TRAK1: variants seen among roughly 807,000 people sequenced by gnomAD.
The protein encoded by TRAK1 is trafficking kinesin-binding protein 1.
In TRAK1, 33 loss-of-function variants were observed where a neutral mutation model predicts 92.1. The ratio of observed to expected loss-of-function variants is 0.36; its 90% confidence interval spans 0.27 to 0.48. The LOEUF is 0.48. Among genes scored for constraint, TRAK1 ranks in the 20% least tolerant of loss-of-function variants. TRAK1 has a pLI of 0.99. For synonymous variants in TRAK1, 521 were observed against 517.3 expected, an observed-to-expected ratio of 1.01 and a Z score of -0.10; for missense variants, 1,123 against 1,257.9, an observed-to-expected ratio of 0.89 and a Z score of 1.62.
chr3:42,134,578 CTTTTTTTTTTTTT>C (rs547455969), intron 2 of TRAK1, among the ~76,000 whole-genome samples: 1 of 76,434 alleles, frequency 1.3e-5, no homozygotes. Context: ...TGCCTGGTCT[CTTTTTTTTTTTTT>C]TTTTTTTTTT....
At position 42,193,112 on chromosome 3, in the gene TRAK1, A is replaced by G. The variant is rs753003576; in HGVS notation, c.807A>G (p.Glu269=). The G allele has an allele frequency of 1.6e-5, 26 of 1,614,080 alleles. 1 individual carries two copies. The Admixed American group carries it at 4.3e-4, about 27-fold the overall frequency. Reference sequence around the variant, plus strand: ...TCCAGATTGCTAGTATCTCAGAGGAACTGGCCAAGAAGACGGAAGATGCTG... The same window carrying G: ...TCCAGATTGCTAGTATCTCAGAGGAGCTGGCCAAGAAGACGGAAGATGCTG... ...ANVQIASISE[E]LAKKTEDAAR... is the part of the protein sequence containing the mutation. Residue 269 remains glutamate, a synonymous_variant, in exon 8 of 16, where the codon GAA becomes GAG. Coordinates refer to ENST00000327628, the MANE Select transcript of TRAK1 (RefSeq NM_001042646.3).
intron 14 of TRAK1, chr3:42,212,454 C>T (rs1709169000): frequency 1.0e-6 from 1 of 985,322 alleles, no homozygotes. Flanking sequence ...CCTGCTGTCC[C>T]ATGGAGAAAA....
chr3:42,073,307 G>C (rs554268435), intron 1 of TRAK1, among the ~76,000 whole-genome samples: 1 of 152,104 alleles, frequency 6.6e-6, no homozygotes, highest in Non-Finnish European at 1.5e-5. Context: ...TGCTGCTGTC[G>C]GCTCGTCTAA....
chr3:42,110,094 G>GTATGTA (rs1553719379), intron 1 of TRAK1, among the ~76,000 whole-genome samples: 2 of 83,238 alleles, frequency 2.4e-5, no homozygotes, highest in Admixed American at 1.2e-4. Context: ...AGAACTTAAA[G>GTATGTA]TATATATATA....
intron 1 of TRAK1, among the ~76,000 whole-genome samples, chr3:42,110,094 G>GTGTATATATATA (rs1417746436): frequency 2.8e-4 from 23 of 83,230 alleles, no homozygotes; most frequent in Non-Finnish European, 4.4e-4. Context: ...AGAACTTAAA[G>GTGTATATATATA]TATATATATA....
intron 2 of TRAK1, among the ~76,000 whole-genome samples, chr3:42,136,992 T>C (rs1035783393): frequency 3.3e-5 from 5 of 152,224 alleles, no homozygotes; most frequent in Non-Finnish European, 7.3e-5. Context: ...ATAATATTTC[T>C]ATCACAAAAG....
At chr3:42,115,771 C>T (rs564966454) in intron 1 of TRAK1, among the ~76,000 whole-genome samples, 105 of 152,286 alleles carry the variant, frequency 6.9e-4, no homozygotes, top group African/African-American at 2.4e-3. Context: ...GTGAGCTGTC[C>T]CTCAGTGGGG....
upstream of TRAK1, among the ~76,000 whole-genome samples, chr3:42,088,799 G>C (rs1214107593): frequency 6.6e-6 from 1 of 152,192 alleles, no homozygotes; most frequent in East Asian, 1.9e-4. Context: ...CACTCTCCCT[G>C]TTCTTCTGCC....
At chr3:42,043,266 C>T (rs931059321) in intron 1 of TRAK1, among the ~76,000 whole-genome samples, 3 of 151,908 alleles carry the variant, frequency 2.0e-5, no homozygotes, top group Non-Finnish European at 4.4e-5. Context: ...TGCCCGTTCC[C>T]GTTCTTTCTT....
At position 42,175,702 on chromosome 3, in the gene TRAK1, G is replaced by A. The variant is rs1343989940; in HGVS notation, c.287-1112G>A. Among the ~76,000 whole-genome samples, 6 of 152,290 alleles carry A rather than the reference G, an allele frequency of 3.9e-5. No individual in the cohort carries two copies. In the East Asian group the frequency reaches 9.7e-4, roughly 24 times the overall value. On this transcript the variant is annotated intron_variant, in intron 2 of 15. Coordinates refer to ENST00000327628, the MANE Select transcript of TRAK1 (RefSeq NM_001042646.3). ...TTAATAAAATATTCAGAGACCTATT[G>A]AATTCCAGTTGCTGTTTGCCATTTG...
chr3:42,026,864 C>T (rs903455329), intron 1 of TRAK1, among the ~76,000 whole-genome samples: 8 of 151,954 alleles, frequency 5.3e-5, no homozygotes, highest in Admixed American at 2.0e-4. Flanking sequence ...TGTGTAGACC[C>T]TCCTTCTCCC....
intron 1 of TRAK1, 87 bp from the exon 2 acceptor site, chr3:42,125,333 T>C: frequency 8.1e-7 from 1 of 1,229,606 alleles, no homozygotes; most frequent in Non-Finnish European, 1.1e-6. Context: ...TAACCGAAGA[T>C]ACCTGCCGCA....
At chr3:42,142,846 T>A (rs928870498) in intron 2 of TRAK1, among the ~76,000 whole-genome samples, 1 of 152,242 alleles carries the variant, frequency 6.6e-6, no homozygotes, top group African/African-American at 2.4e-5. Flanking sequence ...TGTACTCTTT[T>A]GGATATTCAA....
intron 1 of TRAK1, among the ~76,000 whole-genome samples, chr3:42,038,360 C>T (rs1476748567): frequency 2.6e-5 from 4 of 152,178 alleles, no homozygotes; most frequent in African/African-American, 4.8e-5. Flanking sequence ...GTTCTCACTC[C>T]GTTGTCCAGG....
At position 42,223,135 on chromosome 3, in the gene TRAK1, T is replaced by C; in HGVS notation, c.2260T>C (p.Tyr754His). Residue 754 changes from tyrosine (Y) to histidine (H), a missense_variant, in exon 16 of 16, where the codon TAC (tyrosine) becomes CAC (histidine). Transcript: ENST00000327628. The surrounding 1 kb of genome is among the most constrained non-coding windows in gnomAD (Gnocchi z 6.1). ...LKERGISAAV[Y>H]DPQSWDRAGR... ...GGAGCGGGGCATTTCTGCTGCCGTGTACGACCCCCAGAGCTGGGACAGGGC... is the reference window on the plus strand; with the variant it reads ...GGAGCGGGGCATTTCTGCTGCCGTGCACGACCCCCAGAGCTGGGACAGGGC... The C allele has an allele frequency of 6.2e-7, 1 of 1,614,086 alleles. No homozygotes were observed. Among genetic ancestry groups the C allele is most frequent in the African/African-American group, 1.3e-5 (1 of 75,028 alleles).
intron 2 of TRAK1, among the ~76,000 whole-genome samples, chr3:42,125,939 C>T (rs990821796): frequency 6.6e-6 from 1 of 150,760 alleles, no homozygotes; most frequent in African/African-American, 2.4e-5. Flanking sequence ...CAACCTCTGC[C>T]TCCTGGGTTC....
chr3:42,219,856 C>T (rs1448341848), intron 15 of TRAK1, among the ~76,000 whole-genome samples: 6 of 122,136 alleles, frequency 4.9e-5, no homozygotes, highest in Admixed American at 3.4e-4. Context: ...AGTGTAGTGG[C>T]GTGATCTCGG....
chr3:42,131,134 G>A (rs1430678318), intron 2 of TRAK1, among the ~76,000 whole-genome samples: 1 of 152,126 alleles, frequency 6.6e-6, no homozygotes, highest in African/African-American at 2.4e-5. Context: ...TAAGGCATGA[G>A]GACCCGGAGT....
chr3:42,168,809 T>C (rs1702182495), intron 2 of TRAK1, among the ~76,000 whole-genome samples: 1 of 152,074 alleles, frequency 6.6e-6, no homozygotes, highest in South Asian at 2.1e-4. Context: ...TGGGCTCAAG[T>C]GATCTACTTT....
Sources: allele counts gnomAD v4.1 joint callset (sites outside exome capture counted in the v4.1 genomes callset), GRCh38; gene constraint gnomAD v4.1.1; non-coding constraint Gnocchi (gnomAD v3.1); transcripts MANE v1.5; gene names NCBI Gene and HGNC (gene_info 2026-07-23, HGNC 2026-07-21).